ACSM2A: variants seen among roughly 807,000 people sequenced by gnomAD.
The protein encoded by ACSM2A is acyl-CoA synthetase medium chain family member 2A, also known as acyl-coenzyme A synthetase ACSM2A, mitochondrial.
Under a neutral mutation model 76.6 loss-of-function variants are expected in ACSM2A, and 72 were observed. The ratio of observed to expected loss-of-function variants is 0.94; its 90% CI spans 0.78 to 1.14. ACSM2A has a LOEUF of 1.14. Among genes scored for constraint, ACSM2A ranks in the 50% most tolerant of loss-of-function variants. The pLI is 0.00. For synonymous variants in ACSM2A, 249 were observed against 255.9 expected, an observed-to-expected ratio of 0.97 and a Z score of 0.26; for missense variants, 684 against 708.5, an observed-to-expected ratio of 0.97 and a Z score of 0.39.
At chr16:20,455,927 C>T (rs956425152) in intron 1 of ACSM2A, among the ~76,000 whole-genome samples, 1 of 151,196 alleles carries the variant, frequency 6.6e-6, no homozygotes, top group Non-Finnish European at 1.5e-5. Context: ...CAAGAACTCA[C>T]ATAAACTTAA....
intron 4 of ACSM2A, 57 bp downstream of exon 4, chr16:20,469,776 C>T (rs574922177): frequency 6.2e-7 from 1 of 1,605,632 alleles, no homozygotes; most frequent in African/African-American, 1.3e-5. Flanking sequence ...CAGAGCCAAG[C>T]ACTTAGGTGC....
At chr16:20,483,706 G>A (rs138170603) in intron 13 of ACSM2A, among the ~76,000 whole-genome samples, 191 of 150,498 alleles carry the variant, frequency 1.3e-3, no homozygotes, top group African/African-American at 4.5e-3. Flanking sequence ...ATGCTATCAA[G>A]GGAATAAGTT....
At chr16:20,477,584 A>C (rs2013824515) in intron 9 of ACSM2A, 135 bp downstream of exon 9, 1 of 1,438,324 alleles carries the variant, frequency 7.0e-7, no homozygotes, top group Non-Finnish European at 9.2e-7. Context: ...AAAAGGAGGT[A>C]GGGAGGTTGG....
intron 1 of ACSM2A, among the ~76,000 whole-genome samples, chr16:20,455,152 A>T (rs1173462365): frequency 1.3e-5 from 2 of 151,272 alleles, no homozygotes; most frequent in East Asian, 4.0e-4. Flanking sequence ...GGATTGTGTT[A>T]AATGATCAAA....
chr16:20,462,097 T>A (rs2012658459), intron 2 of ACSM2A, among the ~76,000 whole-genome samples: 1 of 152,184 alleles, frequency 6.6e-6, no homozygotes, highest in Admixed American at 6.5e-5. Context: ...AGAATGCAAA[T>A]GTCTGAAAAA....
At chr16:20,466,993 A>G (rs1307858794) in intron 3 of ACSM2A, among the ~76,000 whole-genome samples, 1 of 152,190 alleles carries the variant, frequency 6.6e-6, no homozygotes, top group East Asian at 1.9e-4. Context: ...AAGTTAGACT[A>G]TAAGTTAGAT....
intron 5 of ACSM2A, 120 bp downstream of exon 5, chr16:20,471,336 C>T (rs2013380960): frequency 4.6e-6 from 7 of 1,511,296 alleles, no homozygotes; most frequent in Non-Finnish European, 6.2e-6. Context: ...ACATTCATCT[C>T]CTGTTGATAC....
rs188826753 is a variant in ACSM2A, at chr16:20,482,898, A to G, written c.1510-160A>G. The stretch of plus-strand genomic sequence containing the variant: ...TGACTTCAGAGAGAGCTGTAACCTC[A>G]TTCATGTCCCCAGTTTTCTCCTTTT... On this transcript the variant is annotated intron_variant, in intron 12 of 13. Coordinates refer to ENST00000573854, the MANE Select transcript of ACSM2A (RefSeq NM_001308172.2). 5.8e-4 allele frequency: 708 copies of G among 1,223,220 alleles called. 4 individuals are homozygous for G. Among genetic ancestry groups the G allele is most frequent in the Non-Finnish European group, 1.8e-4 (156 of 889,364 alleles). The allele number at this position is 1,223,220 out of a possible 1,614,324, so 75.8% of individuals were successfully genotyped here.
At chr16:20,481,365 A>G (rs1213706956) in intron 12 of ACSM2A, 2 of 167,518 alleles carry the variant, frequency 1.2e-5, no homozygotes, top group African/African-American at 2.4e-5. Flanking sequence ...TGGTATATAT[A>G]CACAATGGAA....
chr16:20,477,040 T>G (rs1174222621), intron 8 of ACSM2A: 3 of 245,286 alleles, frequency 1.2e-5, no homozygotes, highest in Non-Finnish European at 2.2e-5. Flanking sequence ...GATTGCATAT[T>G]GGTGATCCCA....
In ACSM2A at chr16:20,475,845, T is replaced by A. The variant is rs551872058; in HGVS notation, c.1098+72T>A. ...TCAAAATTCTCTTTGACAATAAAAA[T>A]TGTTAGCCACCATGTATCATTCATC... On this transcript the variant is annotated intron_variant, in intron 8 of 13. Transcript: ENST00000573854. 463 of 1,598,278 alleles carry A rather than the reference T, an allele frequency of 2.9e-4. 2 individuals are homozygous for A. In the African/African-American group the frequency reaches 4.1e-3, roughly 14 times the overall value.
rs1183516483 is a variant in ACSM2A, at chr16:20,486,906, AAAGT to A, written c.*233_*236del. On this transcript the variant is annotated 3_prime_UTR_variant, in exon 14 of 14. Transcript: ENST00000573854. ...GAGGGTAACAGAAAAAAAGGAAAGA[AAAGT>A]AAGTCAGGGAAATATTAAAACTGCA... 1 of 458,896 alleles carries A rather than the reference AAAGT, an allele frequency of 2.2e-6. No individual in the cohort carries two copies. The highest frequency in any genetic ancestry group is 3.8e-6 in the Non-Finnish European group (1 of 265,004). The allele number at this position is 458,896 out of a possible 1,614,324, so 28.4% of individuals were successfully genotyped here. A position where few individuals can be genotyped will look rare whatever the true frequency, so the allele number is the denominator to read the frequency against.
At position 20,475,457 on chromosome 16, in the gene ACSM2A, G is replaced by C; in HGVS notation, c.974+16G>C. Reference sequence around the variant, plus strand: ...ATCTTTCCAGGTGATGGGGCTTTGAGGATTGGTAAGAGAGTCTGGCCCCAT... The same window carrying C: ...ATCTTTCCAGGTGATGGGGCTTTGACGATTGGTAAGAGAGTCTGGCCCCAT... On this transcript the variant is annotated intron_variant, in intron 7 of 13. Transcript: ENST00000573854. 1 of 1,613,618 alleles carries C rather than the reference G, an allele frequency of 6.2e-7. No homozygotes were observed. Among genetic ancestry groups the C allele is most frequent in the Non-Finnish European group, 8.5e-7 (1 of 1,179,708 alleles).
rs111621042 is a variant in ACSM2A, at chr16:20,471,606, T to G, written c.811T>G (p.Cys271Gly). 1,273 of 1,614,024 alleles carry G rather than the reference T, an allele frequency of 7.9e-4. 4 individuals are homozygous for G. Among genetic ancestry groups the G allele is most frequent in the African/African-American group, 3.7e-3 (281 of 75,010 alleles). The change falls in exon 6 of 14, where the codon TGC becomes GGC. Residue 271 changes from cysteine to glycine, a missense_variant. Coordinates refer to ENST00000573854, the MANE Select transcript of ACSM2A (RefSeq NM_001308172.2). ...CACAGGTTGGATACTGAACATCTTGTGCTCACTTATGGAACCTTGGGCATT... is the reference window on the plus strand; with the variant it reads ...CACAGGTTGGATACTGAACATCTTGGGCTCACTTATGGAACCTTGGGCATT... ...SDTGWILNIL[C>G]SLMEPWALGA...
At chr16:20,463,176 A>G (rs1361775703) in intron 2 of ACSM2A, among the ~76,000 whole-genome samples, 1 of 152,140 alleles carries the variant, frequency 6.6e-6, no homozygotes, top group Non-Finnish European at 1.5e-5. Flanking sequence ...GCACATGTAT[A>G]CATATGTGAC....
chr16:20,464,720 G>A (rs1290858913), intron 2 of ACSM2A, among the ~76,000 whole-genome samples: 4 of 152,066 alleles, frequency 2.6e-5, no homozygotes, highest in Admixed American at 6.6e-5. Flanking sequence ...ACAATATCAT[G>A]TATCTAGAAT....
At chr16:20,453,283 G>A (rs1412044263) in intron 1 of ACSM2A, 1 of 151,632 alleles carries the variant, frequency 6.6e-6, no homozygotes, top group East Asian at 2.0e-4. Flanking sequence ...CCAGAGCTGA[G>A]GCAGAAGAAC....
chr16:20,487,136 A>AAGAAAGAGAGGG lies in ACSM2A; in HGVS notation c.*477_*488dup, dbSNP rs543556152. The stretch of plus-strand genomic sequence containing the variant: ...GAAGAAAGAGCAAAAGAACACAAGA[A>AAGAAAGAGAGGG]AGAAAGAGAGGGAGAAAGAGAGGGA... On this transcript the variant is annotated 3_prime_UTR_variant, in exon 14 of 14. Coordinates refer to ENST00000573854, the MANE Select transcript of ACSM2A (RefSeq NM_001308172.2). 6.6e-6 allele frequency: 1 copy of AAGAAAGAGAGGG among 152,002 alleles called. No individual in the cohort carries two copies. Among genetic ancestry groups the AAGAAAGAGAGGG allele is most frequent in the Non-Finnish European group, 1.5e-5 (1 of 68,196 alleles). 9.4% of individuals were successfully genotyped at this position (152,002 alleles called of 1,614,324 possible). A position where few individuals can be genotyped will look rare whatever the true frequency, so the allele number is the denominator to read the frequency against.
chr16:20,486,406 C>G lies in ACSM2A; in HGVS notation c.1630-168C>G, dbSNP rs184388576. ...CTTTATGCCCAATTCTAGCCATCCT[C>G]TTATTGTCCTCATCCCAGAGCACTT... On this transcript the variant is annotated intron_variant, in intron 13 of 13. Transcript: ENST00000573854. Among the ~76,000 whole-genome samples, 492 of 152,348 alleles carry G rather than the reference C, an allele frequency of 3.2e-3. 1 individual carries two copies. The highest frequency in any genetic ancestry group is 5.5e-3 in the Admixed American group (84 of 15,306).
Sources: gnomAD v4.1 joint callset for allele counts (sites outside exome capture counted in the v4.1 genomes callset) on GRCh38, gnomAD v4.1.1 for gene constraint, MANE v1.5 for transcripts, NCBI Gene and HGNC (gene_info 2026-07-23, HGNC 2026-07-21) for gene names.